The following SPIDR variants were observed in gnomAD, a reference collection of about 807,000 sequenced individuals.
SPIDR encodes scaffold protein involved in DNA repair, also known as DNA repair-scaffolding protein.
A neutral mutation model predicts 104.6 loss-of-function variants in SPIDR; 93 were observed. The observed-to-expected ratio is 0.89, with a 90% confidence interval of 0.75 to 1.06. The LOEUF (loss-of-function observed/expected upper bound fraction) is 1.06, where lower values mean the gene tolerates loss of function less well. SPIDR is among the 50% of genes least tolerant of loss of function. The pLI is 0.00. For missense variants in SPIDR, 1,154 were observed against 1,111.2 expected (o/e 1.04, Z -0.55); for synonymous variants, 431 against 416.9 (o/e 1.03, Z -0.41).
chr8:47,681,827 A>C (rs1156711147), intron 11 of SPIDR, among the ~76,000 whole-genome samples: 1 of 152,198 alleles, frequency 6.6e-6, no homozygotes, highest in African/African-American at 2.4e-5. Flanking sequence ...TGAAAAGTTG[A>C]ATCTTTAATT....
At chr8:47,682,135 A>T (rs1337716234) in intron 11 of SPIDR, among the ~76,000 whole-genome samples, 2 of 152,096 alleles carry the variant, frequency 1.3e-5, no homozygotes, top group Non-Finnish European at 2.9e-5. Flanking sequence ...AAGGAAGGAA[A>T]CATCTTTAAG....
chr8:47,586,403 C>T (rs1284490355), intron 8 of SPIDR, among the ~76,000 whole-genome samples: 1 of 152,122 alleles, frequency 6.6e-6, no homozygotes, highest in Admixed American at 6.5e-5. Flanking sequence ...CACATCCTTG[C>T]CAGCATTCAA....
chr8:47,301,086 A>C (rs1278425947), intron 5 of SPIDR, among the ~76,000 whole-genome samples: 5 of 152,080 alleles, frequency 3.3e-5, no homozygotes, highest in African/African-American at 9.7e-5. Context: ...GAGTCTAAGT[A>C]TCTTTGTAGG....
At chr8:47,633,056 A>G (rs909669468) in intron 10 of SPIDR, among the ~76,000 whole-genome samples, 4 of 152,236 alleles carry the variant, frequency 2.6e-5, no homozygotes, top group African/African-American at 9.6e-5. Flanking sequence ...GACCATTTAG[A>G]AACACTGGTA....
chr8:47,266,040 A>G (rs1348503410), intron 1 of SPIDR, among the ~76,000 whole-genome samples: 2 of 149,092 alleles, frequency 1.3e-5, no homozygotes, highest in Non-Finnish European at 3.0e-5. Context: ...GTGAGCCACC[A>G]TGCCCGGTCT....
At chr8:47,423,764 G>A (rs961864933) in intron 7 of SPIDR, among the ~76,000 whole-genome samples, 31 of 152,196 alleles carry the variant, frequency 2.0e-4, no homozygotes, top group Middle Eastern at 3.2e-3. Context: ...TTCCAAGGTA[G>A]TGCCTTGGAA....
At chr8:47,505,883 A>T (rs1329060378) in intron 8 of SPIDR, among the ~76,000 whole-genome samples, 2 of 152,312 alleles carry the variant, frequency 1.3e-5, no homozygotes, top group South Asian at 4.1e-4. Context: ...GTCACTTCTC[A>T]ACCATAAGTA....
Position 47,735,819 on chromosome 8 carries a change from G to A in SPIDR, c.*369G>A. The A allele has an allele frequency of 2.4e-6, 1 of 412,878 alleles. No homozygotes were observed. The highest frequency in any genetic ancestry group is 4.4e-6 in the Non-Finnish European group (1 of 227,256). The allele number at this position is 412,878 out of a possible 1,614,324, so 25.6% of individuals were successfully genotyped here. Reference sequence around the variant, plus strand: ...CATGATTGAACATGTTTTTATTACAGTATTTAACATTCCCCCAAAGAATAC... The same window carrying A: ...CATGATTGAACATGTTTTTATTACAATATTTAACATTCCCCCAAAGAATAC... On this transcript the variant is annotated 3_prime_UTR_variant, in exon 20 of 20. Transcript: ENST00000297423.
intron 3 of SPIDR, among the ~76,000 whole-genome samples, chr8:47,284,911 C>T (rs1332037242): frequency 1.2e-4 from 19 of 152,260 alleles, no homozygotes; most frequent in Admixed American, 2.6e-4. Flanking sequence ...TCAGGTAGGC[C>T]GCTGGTTCTC....
intron 10 of SPIDR, chr8:47,667,911 G>A (rs2075206075): frequency 6.6e-6 from 1 of 151,948 alleles, no homozygotes; most frequent in Non-Finnish European, 1.5e-5. Context: ...AAAAACAAAT[G>A]TAAGAATACT....
At chr8:47,420,980 C>T (rs1382205870) in intron 7 of SPIDR, among the ~76,000 whole-genome samples, 1 of 152,264 alleles carries the variant, frequency 6.6e-6, no homozygotes, top group African/African-American at 2.4e-5. Flanking sequence ...AAGATGTCAG[C>T]TGTTAGTCTG....
At chr8:47,276,926 C>A (rs1216710715) in intron 1 of SPIDR, 1 of 129,534 alleles carries the variant, frequency 7.7e-6, no homozygotes, top group East Asian at 2.2e-4. Flanking sequence ...CTTCCTCAGC[C>A]TTTTTTTTTT....
intron 5 of SPIDR, among the ~76,000 whole-genome samples, chr8:47,306,404 G>A (rs1427440319): frequency 1.3e-5 from 2 of 152,198 alleles, no homozygotes; most frequent in East Asian, 1.9e-4. Flanking sequence ...GCCTCACAAA[G>A]TGCTGGGGTT....
chr8:47,563,908 T>G (rs996688555), intron 8 of SPIDR, among the ~76,000 whole-genome samples: 9 of 152,144 alleles, frequency 5.9e-5, no homozygotes, highest in Non-Finnish European at 8.8e-5. Context: ...CTGACCAGTC[T>G]TTCAGCTACT....
intron 6 of SPIDR, among the ~76,000 whole-genome samples, chr8:47,400,687 T>G (rs1198886269): frequency 6.6e-6 from 1 of 151,596 alleles, no homozygotes; most frequent in Non-Finnish European, 1.5e-5. Context: ...CTTTTTTTTT[T>G]TTTTTTTAAA....
intron 8 of SPIDR, among the ~76,000 whole-genome samples, chr8:47,571,082 C>G (rs1480742134): frequency 6.6e-6 from 1 of 151,314 alleles, no homozygotes; most frequent in Non-Finnish European, 1.5e-5. Context: ...CGGAGCGAGA[C>G]TCTGTCTCAA....
At chr8:47,522,948 G>T (rs922686452) in intron 8 of SPIDR, among the ~76,000 whole-genome samples, 3 of 151,514 alleles carry the variant, frequency 2.0e-5, no homozygotes, top group Non-Finnish European at 4.4e-5. Context: ...TTTTTTTGTT[G>T]TATGTGTGTG....
chr8:47,411,945 G>T lies in SPIDR; in HGVS notation c.877+3984G>T, dbSNP rs182728634. 1.3e-3 allele frequency among the ~76,000 whole-genome samples: 197 copies of T among 152,170 alleles called. 3 individuals carry two copies. The highest frequency in any genetic ancestry group is 3.1e-4 in the Non-Finnish European group (21 of 68,008). On this transcript the variant is annotated intron_variant, in intron 7 of 19. Transcript: ENST00000297423. ...CCCATTTCTTGTTTTTGTCAGCTTT[G>T]TCAAAGATCAGATAGTTGTAGATAT... is the stretch of plus-strand genomic sequence containing the variant.
chr8:47,593,528 G>A (rs1052587966), intron 8 of SPIDR, among the ~76,000 whole-genome samples: 1 of 152,096 alleles, frequency 6.6e-6, no homozygotes, highest in Non-Finnish European at 1.5e-5. Flanking sequence ...ATTCATTCAA[G>A]TTGAGATTTT....
Sources: allele counts gnomAD v4.1 joint callset (sites outside exome capture counted in the v4.1 genomes callset), GRCh38; gene constraint gnomAD v4.1.1; transcripts MANE v1.5; gene names NCBI Gene and HGNC (gene_info 2026-07-23, HGNC 2026-07-21).